The following ANKRD46 variants were observed in gnomAD, a reference collection of about 807,000 sequenced individuals.
ANKRD46 encodes ankyrin repeat domain-containing protein 46.
Under a neutral mutation model 19.8 loss-of-function variants are expected in ANKRD46, and 13 were observed. The ratio of observed to expected loss-of-function variants is 0.66; its 90% CI spans 0.43 to 1.04. The LOEUF is 1.04. Ranked by LOEUF, ANKRD46 falls within the 50% of genes least tolerant of loss-of-function variation. ANKRD46 has a pLI of 0.00. For missense variants in ANKRD46, 185 were observed against 274.8 expected, an observed-to-expected ratio of 0.67 and a Z score of 2.31; for synonymous variants, 91 against 106.9, an observed-to-expected ratio of 0.85 and a Z score of 0.92.
intron 1 of ANKRD46, among the ~76,000 whole-genome samples, chr8:100,547,941 C>A (rs1387605745): frequency 6.6e-6 from 1 of 152,166 alleles, no homozygotes; most frequent in East Asian, 1.9e-4. Flanking sequence ...TCACCCTCTA[C>A]CCCAGTCAAT....
In ANKRD46 at chr8:100,543,243, ACT is replaced by A. The variant is rs1407952123; in HGVS notation, c.-130-9934_-130-9933del. Reference sequence around the variant, plus strand: ...ATAAACAGGCTTTGTTTGTTTAGACACTGTCAATTAAAACTGATTCCCAGTGT... The same window carrying A: ...ATAAACAGGCTTTGTTTGTTTAGACAGTCAATTAAAACTGATTCCCAGTGT... On this transcript the variant is annotated intron_variant, in intron 1 of 4. Coordinates refer to ENST00000335659, the MANE Select transcript of ANKRD46 (RefSeq NM_001270377.2). This position sits in a 1 kb window ranked among gnomAD's most constrained non-coding sequence, Gnocchi z 4.2. Among the ~76,000 whole-genome samples, 1 of 152,240 alleles carries A rather than the reference ACT, an allele frequency of 6.6e-6. No individual in the cohort carries two copies. Among genetic ancestry groups the A allele is most frequent in the African/African-American group, 2.4e-5 (1 of 41,472 alleles).
At position 100,534,931 on chromosome 8, in the gene ANKRD46, T is replaced by C. The variant is rs1284549525; in HGVS notation, c.-130-1620A>G. Among the ~76,000 whole-genome samples the C allele has an allele frequency of 2.0e-5, 3 of 152,106 alleles. No homozygotes were observed. The highest frequency in any genetic ancestry group is 4.4e-5 in the Non-Finnish European group (3 of 68,024). On this transcript the variant is annotated intron_variant, in intron 1 of 4. Transcript: ENST00000335659. The surrounding 1 kb of genome is among the most constrained non-coding windows in gnomAD (Gnocchi z 4.2). ...ACAGCCATGTGCCACCATGCCTGGGTAATTTTTGTATTTTTAGTGGAGATG... is the reference window on the plus strand; with the variant it reads ...ACAGCCATGTGCCACCATGCCTGGGCAATTTTTGTATTTTTAGTGGAGATG...
In ANKRD46 at chr8:100,522,629, G is replaced by C; in HGVS notation, c.613C>G (p.Leu205Val). Residue 205 changes from leucine (L) to valine (V), a missense_variant, in exon 5 of 5, where the codon CTG (leucine) becomes GTG (valine). Leu to Val is a conservative substitution (Grantham distance 32). Coordinates refer to ENST00000335659, the MANE Select transcript of ANKRD46 (RefSeq NM_001270377.2). ...VLLLIFVIALLSLGIAYYVSG... is the reference protein window; with the variant it reads ...VLLLIFVIALVSLGIAYYVSG... ...ACATAATAAGCAATGCCAAGAGACA[G>C]CAAAGCAATGACGAAGATCAACAGC... 6.2e-7 allele frequency: 1 copy of C among 1,614,004 alleles called. No homozygotes were observed. The highest frequency in any genetic ancestry group is 1.1e-5 in the South Asian group (1 of 91,076).
At chr8:100,530,912 A>G (rs1318387223) in intron 2 of ANKRD46, among the ~76,000 whole-genome samples, 1 of 152,188 alleles carries the variant, frequency 6.6e-6, no homozygotes, top group Non-Finnish European at 1.5e-5. Context: ...ACAAAGCAGC[A>G]ATCCCAACTA....
At chr8:100,554,698 C>T (rs906227652) in intron 1 of ANKRD46, 2 of 152,166 alleles carry the variant, frequency 1.3e-5, no homozygotes, top group Admixed American at 6.5e-5. Flanking sequence ...GCACTCCAGC[C>T]TGAGCAACAG....
intron 5 of ANKRD46, among the ~76,000 whole-genome samples, chr8:100,514,787 G>A (rs1057376914): frequency 1.3e-5 from 2 of 151,752 alleles, no homozygotes; most frequent in Admixed American, 6.6e-5. Context: ...CTACAGACAC[G>A]TGCCACCACA....
rs565033031 is a variant in ANKRD46 at position 100,532,304 on chromosome 8, A to G, written c.-28+905T>C. ...CAACATAGCGAGAGACCCTGTCTCT[A>G]TAAAATATTTTAAAATTAGCCAGGC... On this transcript the variant is annotated intron_variant, in intron 2 of 4. Coordinates refer to ENST00000335659, the MANE Select transcript of ANKRD46 (RefSeq NM_001270377.2). This position sits in a 1 kb window ranked among gnomAD's most constrained non-coding sequence, Gnocchi z 4.7. The G allele has an allele frequency of 8.5e-4, 129 of 152,228 alleles. 1 individual carries two copies. Among genetic ancestry groups the G allele is most frequent in the African/African-American group, 3.0e-3 (126 of 41,538 alleles). 9.4% of individuals were successfully genotyped at this position (152,228 alleles called of 1,614,324 possible).
Position 100,529,049 on chromosome 8 carries a change from A to C in ANKRD46, c.311+474T>G, listed in dbSNP as rs1362570025. ...CACAAGCGTTAGAGTCAGCGGAACTAGGTTCAAATTCCAGCTCTGTCCCTT... is the reference window on the plus strand; with the variant it reads ...CACAAGCGTTAGAGTCAGCGGAACTCGGTTCAAATTCCAGCTCTGTCCCTT... On this transcript the variant is annotated intron_variant, in intron 3 of 4. Coordinates refer to ENST00000335659, the MANE Select transcript of ANKRD46 (RefSeq NM_001270377.2). This position sits in a 1 kb window ranked among gnomAD's most constrained non-coding sequence, Gnocchi z 5.8. Among the ~76,000 whole-genome samples the C allele has an allele frequency of 6.6e-6, 1 of 152,236 alleles. No homozygotes were observed. The highest frequency in any genetic ancestry group is 1.5e-5 in the Non-Finnish European group (1 of 68,038).
At chr8:100,519,566 A>G (rs1811687915), downstream of ANKRD46, among the ~76,000 whole-genome samples, 4 of 152,256 alleles carry the variant, frequency 2.6e-5, no homozygotes, top group South Asian at 6.2e-4. Flanking sequence ...TGGTTCCTGC[A>G]GCTGAAAGCA....
chr8:100,522,072 A>T lies in ANKRD46; in HGVS notation c.*483T>A. On this transcript the variant is annotated 3_prime_UTR_variant, in exon 5 of 5. Transcript: ENST00000335659. ...AATACTAATTTGCACACAAGATTTGAAAAAAGTACTTCAAGTTTTATCTCT... is the reference window on the plus strand; with the variant it reads ...AATACTAATTTGCACACAAGATTTGTAAAAAGTACTTCAAGTTTTATCTCT... 1.0e-6 allele frequency: 1 copy of T among 987,022 alleles called. No homozygotes were observed. The allele number at this position is 987,022 out of a possible 1,614,324, so 61.1% of individuals were successfully genotyped here.
rs1298219593 is a variant in ANKRD46, at chr8:100,529,472, A to G, written c.311+51T>C. On this transcript the variant is annotated intron_variant, in intron 3 of 4. Transcript: ENST00000335659. This position sits in a 1 kb window ranked among gnomAD's most constrained non-coding sequence, Gnocchi z 5.8. ...AGACCCAAGATAAGATTATCAGTTGAGAGATTAATGGGAAGAAATGACTAG... is the reference window on the plus strand; with the variant it reads ...AGACCCAAGATAAGATTATCAGTTGGGAGATTAATGGGAAGAAATGACTAG... 1 of 1,522,402 alleles carries G rather than the reference A, an allele frequency of 6.6e-7. No homozygotes were observed. Among genetic ancestry groups the G allele is most frequent in the African/African-American group, 1.4e-5 (1 of 72,606 alleles). 94.3% of individuals were successfully genotyped at this position (1,522,402 alleles called of 1,614,324 possible). A position where few individuals can be genotyped will look rare whatever the true frequency, so the allele number is the denominator to read the frequency against.
At chr8:100,551,898 C>T (rs1812398679) in intron 1 of ANKRD46, among the ~76,000 whole-genome samples, 1 of 152,046 alleles carries the variant, frequency 6.6e-6, no homozygotes, top group Non-Finnish European at 1.5e-5. Flanking sequence ...ACCTATAATC[C>T]CAGCACTTTG....
chr8:100,544,434 A>G lies in ANKRD46; in HGVS notation c.-130-11123T>C, dbSNP rs1812232907. Among the ~76,000 whole-genome samples the G allele has an allele frequency of 6.6e-6, 1 of 152,268 alleles. No homozygotes were observed. Among genetic ancestry groups the G allele is most frequent in the African/African-American group, 2.4e-5 (1 of 41,466 alleles). On this transcript the variant is annotated intron_variant, in intron 1 of 4. Transcript: ENST00000335659. The surrounding 1 kb of genome is among the most constrained non-coding windows in gnomAD (Gnocchi z 4.4). ...TCAGTGTCAGGATTCTGCTAACCCC[A>G]AAGTACAACTTGCTCGTACTCTAGA...
Position 100,529,941 on chromosome 8 carries a change from T to A in ANKRD46, c.-27-81A>T, listed in dbSNP as rs1811923825. 1 of 1,160,614 alleles carries A rather than the reference T, an allele frequency of 8.6e-7. No homozygotes were observed. The highest frequency in any genetic ancestry group is 1.6e-5 in the African/African-American group (1 of 64,082). 71.9% of individuals were successfully genotyped at this position (1,160,614 alleles called of 1,614,324 possible). A position where few individuals can be genotyped will look rare whatever the true frequency, so the allele number is the denominator to read the frequency against. ...GAGTCATTTAGAAAAGCAATATTTCTCATCCTTTTTGGCCTCCTGCCTCTA... is the reference window on the plus strand; with the variant it reads ...GAGTCATTTAGAAAAGCAATATTTCACATCCTTTTTGGCCTCCTGCCTCTA... On this transcript the variant is annotated intron_variant, in intron 2 of 4. Transcript: ENST00000335659. This position sits in a 1 kb window ranked among gnomAD's most constrained non-coding sequence, Gnocchi z 5.8.
At position 100,546,937 on chromosome 8, in the gene ANKRD46, A is replaced by G. The variant is rs753581090; in HGVS notation, c.-131+12774T>C. On this transcript the variant is annotated intron_variant, in intron 1 of 4. Coordinates refer to ENST00000335659, the MANE Select transcript of ANKRD46 (RefSeq NM_001270377.2). This position sits in a 1 kb window ranked among gnomAD's most constrained non-coding sequence, Gnocchi z 4.0. ...GCCTGAGGCCCCTTTGTTTTGGCCAATTTCTCCCATTTGGAATGGGAGCAT... is the reference window on the plus strand; with the variant it reads ...GCCTGAGGCCCCTTTGTTTTGGCCAGTTTCTCCCATTTGGAATGGGAGCAT... 6.6e-6 allele frequency among the ~76,000 whole-genome samples: 1 copy of G among 152,170 alleles called. No individual in the cohort carries two copies. The highest frequency in any genetic ancestry group is 2.4e-5 in the African/African-American group (1 of 41,442).
intron 1 of ANKRD46, among the ~76,000 whole-genome samples, chr8:100,555,343 A>C (rs1054793942): frequency 6.6e-6 from 1 of 151,920 alleles, no homozygotes; most frequent in Non-Finnish European, 1.5e-5. Flanking sequence ...CTAGATCTAC[A>C]TGAAGAAAAG....
At chr8:100,541,173 T>G (rs1217757639) in intron 1 of ANKRD46, among the ~76,000 whole-genome samples, 2 of 151,762 alleles carry the variant, frequency 1.3e-5, no homozygotes, top group Non-Finnish European at 2.9e-5. Flanking sequence ...AGAAAATTAA[T>G]AGCAAAAATA....
Position 100,522,210 on chromosome 8 carries a change from G to C in ANKRD46, c.*345C>G. ...GTTTTTCTTTTTGAATACTTCAATT[G>C]GTCCTATATTAGGATAAGGTTTTGA... On this transcript the variant is annotated 3_prime_UTR_variant, in exon 5 of 5. Coordinates refer to ENST00000335659, the MANE Select transcript of ANKRD46 (RefSeq NM_001270377.2). The C allele has an allele frequency of 9.8e-7, 1 of 1,025,412 alleles. No individual in the cohort carries two copies. Among genetic ancestry groups the C allele is most frequent in the African/African-American group, 1.7e-5 (1 of 58,932 alleles). 63.5% of individuals were successfully genotyped at this position (1,025,412 alleles called of 1,614,324 possible). A position where few individuals can be genotyped will look rare whatever the true frequency, so the allele number is the denominator to read the frequency against.
Position 100,534,013 on chromosome 8 carries a change from G to T in ANKRD46, c.-130-702C>A, listed in dbSNP as rs1350439002. 6.6e-6 allele frequency among the ~76,000 whole-genome samples: 1 copy of T among 152,162 alleles called. No homozygotes were observed. The highest frequency in any genetic ancestry group is 2.4e-5 in the African/African-American group (1 of 41,438). Reference sequence around the variant, plus strand: ...TTCTCTGGAAGGACCGTGGAAGCAGGGTCATGGGCAGGCAGTAAGGACCAC... The same window carrying T: ...TTCTCTGGAAGGACCGTGGAAGCAGTGTCATGGGCAGGCAGTAAGGACCAC... On this transcript the variant is annotated intron_variant, in intron 1 of 4. Coordinates refer to ENST00000335659, the MANE Select transcript of ANKRD46 (RefSeq NM_001270377.2). The surrounding 1 kb of genome is among the most constrained non-coding windows in gnomAD (Gnocchi z 4.2).
Sources: allele counts gnomAD v4.1 joint callset (sites outside exome capture counted in the v4.1 genomes callset), GRCh38; gene constraint gnomAD v4.1.1; non-coding constraint Gnocchi (gnomAD v3.1); transcripts MANE v1.5; gene names NCBI Gene and HGNC (gene_info 2026-07-23, HGNC 2026-07-21).